The following TRIO variants were observed in gnomAD, a reference collection of about 807,000 sequenced individuals.
TRIO encodes the protein trio Rho guanine nucleotide exchange factor.
TRIO carries 58 observed loss-of-function variants against 351.9 expected under a neutral mutation model. The observed-to-expected ratio is 0.16, with a 90% CI of 0.13 to 0.21. TRIO has a LOEUF of 0.21. TRIO is among the 10% of genes least tolerant of loss of function. The pLI is 1.00. For missense variants in TRIO, 3,201 were observed against 4,027.8 expected (o/e 0.79, Z 5.56); for synonymous variants, 1,758 against 1,595.7 (o/e 1.10, Z -2.42).
intron 33 of TRIO, chr5:14,418,799 T>A (rs1030519356): frequency 6.6e-6 from 1 of 152,600 alleles, no homozygotes; most frequent in Non-Finnish European, 1.5e-5. Context: ...CTCGGGATTC[T>A]TATGTAGAAA....
chr5:14,166,799 A>AG (rs1788791558), intron 1 of TRIO, among the ~76,000 whole-genome samples: 1 of 152,114 alleles, frequency 6.6e-6, no homozygotes, highest in Non-Finnish European at 1.5e-5. Context: ...AATTCATGAG[A>AG]GGGGAAAAAG....
At chr5:14,448,763 T>TC (rs1050104961) in intron 34 of TRIO, among the ~76,000 whole-genome samples, 5 of 152,056 alleles carry the variant, frequency 3.3e-5, no homozygotes, top group African/African-American at 7.3e-5. Context: ...TTTTTTTTTT[T>TC]AAGTGTCTCT....
Position 14,508,131 on chromosome 5 carries a change from C to A in TRIO, c.9003C>A (p.Cys3001Ter), listed in dbSNP as rs888185233. 1 of 1,614,068 alleles carries A rather than the reference C, an allele frequency of 6.2e-7. No individual in the cohort carries two copies. Among genetic ancestry groups the A allele is most frequent in the Non-Finnish European group, 8.5e-7 (1 of 1,180,046 alleles). The change falls in exon 57 of 57, where the codon TGC becomes TGA. Residue 3001 changes from cysteine to a stop codon, truncating the protein, a stop_gained. Coordinates refer to ENST00000344204, the MANE Select transcript of TRIO (RefSeq NM_007118.4). LOFTEE classifies it high-confidence loss of function. Reference sequence around the variant, plus strand: ...TGGATGACAGTGTGGAAGAGACCTGCCTGAACATTTGCCGCTTAGACTTTA... The same window carrying A: ...TGGATGACAGTGTGGAAGAGACCTGACTGAACATTTGCCGCTTAGACTTTA... ...PFLDDSVEET[C>*]LNICRLDFSF...
chr5:14,159,024 C>G (rs544798627), intron 1 of TRIO, among the ~76,000 whole-genome samples: 24 of 152,150 alleles, frequency 1.6e-4, no homozygotes, highest in South Asian at 1.2e-3. Flanking sequence ...TTTAACTTGC[C>G]CCAGCTCAGG....
chr5:14,460,635 T>C (rs552764666), intron 34 of TRIO, among the ~76,000 whole-genome samples: 14 of 152,360 alleles, frequency 9.2e-5, no homozygotes, highest in African/African-American at 3.1e-4. Flanking sequence ...TCTTGGTTTT[T>C]GTCAAGAAAA....
At chr5:14,407,713 C>T (rs997619352) in intron 33 of TRIO, among the ~76,000 whole-genome samples, 1 of 152,172 alleles carries the variant, frequency 6.6e-6, no homozygotes, top group African/African-American at 2.4e-5. Flanking sequence ...CAGAAGCAGC[C>T]TAGAGTATCT....
intron 1 of TRIO, among the ~76,000 whole-genome samples, chr5:14,259,068 A>G (rs997245151): frequency 3.9e-5 from 6 of 152,206 alleles, no homozygotes; most frequent in Admixed American, 3.3e-4. Context: ...TTGCGTCTCC[A>G]AGCAGTGATT....
chr5:14,507,375 A>T, intron 56 of TRIO, 115 bp downstream of exon 56: 2 of 1,454,548 alleles, frequency 1.4e-6, no homozygotes, highest in Non-Finnish European at 9.2e-7. Context: ...AGGGACAAAA[A>T]GGGTGGGTGG....
At chr5:14,428,241 T>C (rs1325959137) in intron 34 of TRIO, among the ~76,000 whole-genome samples, 3 of 152,222 alleles carry the variant, frequency 2.0e-5, no homozygotes, top group East Asian at 1.9e-4. Context: ...AATATCGTGA[T>C]TCAGGTATAT....
intron 46 of TRIO, among the ~76,000 whole-genome samples, chr5:14,483,041 C>G (rs765822099): frequency 1.1e-4 from 16 of 152,154 alleles, no homozygotes; most frequent in Non-Finnish European, 1.9e-4. Context: ...TTATGCACCC[C>G]CTTCTCTAGG....
At chr5:14,442,060 C>T (rs1370637411) in intron 34 of TRIO, among the ~76,000 whole-genome samples, 1 of 152,196 alleles carries the variant, frequency 6.6e-6, no homozygotes, top group East Asian at 1.9e-4. Context: ...TGGAATGCTG[C>T]CCTGTTCCAG....
Position 14,143,719 on chromosome 5 carries a change from C to G in TRIO, c.-7C>G, listed in dbSNP as rs1480617266. The G allele has an allele frequency of 6.1e-5, 60 of 977,122 alleles. No individual in the cohort carries two copies. Among genetic ancestry groups the G allele is most frequent in the Non-Finnish European group, 7.3e-5 (60 of 826,222 alleles). 60.5% of individuals were successfully genotyped at this position (977,122 alleles called of 1,614,324 possible). On this transcript the variant is annotated 5_prime_UTR_variant, in exon 1 of 57. Transcript: ENST00000344204. ...AGGCGGGCGCGGCCGCGGGCGCCGCCGCAGCCATGAGCGGCAGCAGCGGCG... is the reference window on the plus strand; with the variant it reads ...AGGCGGGCGCGGCCGCGGGCGCCGCGGCAGCCATGAGCGGCAGCAGCGGCG...
At chr5:14,316,794 G>A in intron 9 of TRIO, 51 bp downstream of exon 9, 1 of 1,527,684 alleles carries the variant, frequency 6.5e-7, no homozygotes, top group Non-Finnish European at 8.9e-7. Context: ...GTGTTGAGTA[G>A]AGTTTAAATA....
chr5:14,192,464 A>G (rs947822879), intron 1 of TRIO, among the ~76,000 whole-genome samples: 3 of 152,096 alleles, frequency 2.0e-5, no homozygotes, highest in Non-Finnish European at 4.4e-5. Context: ...TGTAGAGACA[A>G]GGTCTCACTA....
intron 1 of TRIO, among the ~76,000 whole-genome samples, chr5:14,153,294 C>T (rs539759087): frequency 1.3e-5 from 2 of 152,332 alleles, no homozygotes; most frequent in African/African-American, 4.8e-5. Flanking sequence ...CAAGAGAGGC[C>T]AGGACCCCTG....
chr5:14,306,080 A>G (rs1738343394), intron 8 of TRIO, among the ~76,000 whole-genome samples: 1 of 151,288 alleles, frequency 6.6e-6, no homozygotes, highest in South Asian at 2.1e-4. Context: ...CTAATGATTC[A>G]TTTCTCAAAA....
At chr5:14,392,792 A>C (rs561661123) in intron 27 of TRIO, among the ~76,000 whole-genome samples, 1 of 152,236 alleles carries the variant, frequency 6.6e-6, no homozygotes, top group Non-Finnish European at 1.5e-5. Flanking sequence ...CACGCCTGTA[A>C]TCCCAGCACT....
In TRIO at chr5:14,486,699, C is replaced by G. The variant is rs73749284; in HGVS notation, c.6836-765C>G. Reference sequence around the variant, plus strand: ...GTTGAGTAACTAGTAATACCTATCCCAGAGGATTAAAGGAGATCGCTCATG... The same window carrying G: ...GTTGAGTAACTAGTAATACCTATCCGAGAGGATTAAAGGAGATCGCTCATG... On this transcript the variant is annotated intron_variant, in intron 47 of 56. Transcript: ENST00000344204. Among the ~76,000 whole-genome samples the G allele has an allele frequency of 4.3e-3, 649 of 152,276 alleles. 9 individuals are homozygous for G. Among genetic ancestry groups the G allele is most frequent in the African/African-American group, 0.015 (632 of 41,538 alleles).
intron 34 of TRIO, among the ~76,000 whole-genome samples, chr5:14,449,354 C>T (rs1435619542): frequency 2.0e-5 from 3 of 152,200 alleles, no homozygotes; most frequent in Admixed American, 1.3e-4. Flanking sequence ...AGGCGGCTTC[C>T]GTTAGCACTG....
Sources: gnomAD v4.1 joint callset for allele counts (sites outside exome capture counted in the v4.1 genomes callset) on GRCh38, gnomAD v4.1.1 for gene constraint, MANE v1.5 for transcripts, NCBI Gene and HGNC (gene_info 2026-07-23, HGNC 2026-07-21) for gene names.